The following COL14A1 variants were observed in gnomAD, a reference collection of about 807,000 sequenced individuals.
COL14A1 encodes collagen type XIV alpha 1 chain, also known as collagen alpha-1(XIV) chain.
Under a neutral mutation model 230.3 loss-of-function variants are expected in COL14A1, and 136 were observed. The observed-to-expected ratio is 0.59, with a 90% CI of 0.51 to 0.68. The LOEUF (loss-of-function observed/expected upper bound fraction) is 0.68, where lower values mean the gene tolerates loss of function less well. COL14A1 is among the 30% of genes least tolerant of loss of function. The pLI, the probability that COL14A1 is intolerant of heterozygous loss-of-function variation, is 0.00. For synonymous variants in COL14A1, 792 were observed against 784.1 expected, an observed-to-expected ratio of 1.01 and a Z score of -0.17; for missense variants, 1,976 against 2,215.8, an observed-to-expected ratio of 0.89 and a Z score of 2.17.
intron 40 of COL14A1, among the ~76,000 whole-genome samples, chr8:120,326,789 G>A (rs1194431913): frequency 6.6e-6 from 1 of 152,194 alleles, no homozygotes; most frequent in African/African-American, 2.4e-5. Context: ...ACTTTGGGAG[G>A]CTGAGGCAGG....
chr8:120,185,006 G>A (rs552683795), intron 5 of COL14A1, among the ~76,000 whole-genome samples: 3 of 152,210 alleles, frequency 2.0e-5, no homozygotes, highest in South Asian at 2.1e-4. Context: ...TTAACCACAC[G>A]CTGTATAATA....
At chr8:120,320,552 G>A (rs6469916) in intron 40 of COL14A1, among the ~76,000 whole-genome samples, 140,203 of 152,236 alleles carry the variant, frequency 0.92, 64,687 homozygotes, top group East Asian at 0.99. Context: ...AACTATCTGG[G>A]TTTAATTTTT....
chr8:120,130,934 T>A (rs1054098193), intron 1 of COL14A1, among the ~76,000 whole-genome samples: 1 of 152,160 alleles, frequency 6.6e-6, no homozygotes, highest in Non-Finnish European at 1.5e-5. Context: ...CCATGTGTAC[T>A]GTTTAGCTCC....
chr8:120,203,670 C>T (rs1487068031), intron 8 of COL14A1, 39 bp from the exon 9 acceptor site: 5 of 1,605,998 alleles, frequency 3.1e-6, no homozygotes, highest in Non-Finnish European at 3.4e-6. Flanking sequence ...TCCAAGGGGG[C>T]ATAAAAGTCA....
intron 42 of COL14A1, 142 bp from the exon 43 acceptor site, chr8:120,341,183 T>G: frequency 1.3e-6 from 1 of 785,334 alleles, no homozygotes; most frequent in Non-Finnish European, 2.2e-6. Context: ...TGCTGTTTAT[T>G]TTCTGTTGTT....
chr8:120,159,993 G>T (rs779890188), intron 3 of COL14A1, among the ~76,000 whole-genome samples: 55 of 152,184 alleles, frequency 3.6e-4, no homozygotes, highest in South Asian at 1.0e-3. Context: ...CGCCCAGCCT[G>T]ATATATCTTT....
At chr8:120,279,492 G>A (rs1055597007) in intron 28 of COL14A1, among the ~76,000 whole-genome samples, 1 of 150,850 alleles carries the variant, frequency 6.6e-6, no homozygotes, top group Non-Finnish European at 1.5e-5. Context: ...TACTTGCCAA[G>A]CATTGAATGG....
chr8:120,292,069 T>C (rs1073523), intron 34 of COL14A1, among the ~76,000 whole-genome samples: 73,314 of 151,856 alleles, frequency 0.48, 18,042 homozygotes, highest in African/African-American at 0.58. Context: ...ATGTTGACAA[T>C]AGTCCCATAA....
At position 120,281,092 on chromosome 8, in the gene COL14A1, G is replaced by A. The variant is rs1563388; in HGVS notation, c.3824+33G>A. On this transcript the variant is annotated intron_variant, in intron 31 of 47. Coordinates refer to ENST00000297848, the MANE Select transcript of COL14A1 (RefSeq NM_021110.4). ...TCTGTTGAAAGATTTTAAAGTCATC[G>A]TATGTTTATTATATCTCACTGTGAA... The A allele has an allele frequency of 0.6, 934,911 of 1,563,092 alleles. 283,137 individuals are homozygous for A. Among genetic ancestry groups the A allele is most frequent in the African/African-American group, 0.84 (61,720 of 73,208 alleles).
At chr8:120,309,684 CAT>C (rs1280313859) in intron 36 of COL14A1, among the ~76,000 whole-genome samples, 10 of 152,202 alleles carry the variant, frequency 6.6e-5, no homozygotes, top group Middle Eastern at 6.8e-3. Context: ...TGTTTTATAA[CAT>C]ATATAATTTT....
intron 3 of COL14A1, among the ~76,000 whole-genome samples, chr8:120,158,794 A>G (rs1442745687): frequency 6.6e-6 from 1 of 152,206 alleles, no homozygotes. Context: ...TTATTTAAAG[A>G]AGCTTTAAAT....
chr8:120,318,615 A>T (rs1821321970), intron 40 of COL14A1, among the ~76,000 whole-genome samples: 1 of 152,170 alleles, frequency 6.6e-6, no homozygotes, highest in Admixed American at 6.5e-5. Flanking sequence ...GACATGCTGC[A>T]TTGGAGGGCC....
chr8:120,203,755 A>G lies in COL14A1; in HGVS notation c.924A>G (p.Glu308=). Residue 308 remains glutamate, a synonymous_variant, in exon 9 of 48, where the codon GAA becomes GAG. Coordinates refer to ENST00000297848, the MANE Select transcript of COL14A1 (RefSeq NM_021110.4). The stretch of plus-strand genomic sequence containing the variant: ...ATGAGCTGCAGGAGATCGCCTCTGA[A>G]CCAGACAGCACTCATGTGTACAATG... The part of the protein sequence containing the change: ...DVNELQEIAS[E]PDSTHVYNVA... The G allele has an allele frequency of 1.2e-6, 2 of 1,613,886 alleles. No individual in the cohort carries two copies.
intron 34 of COL14A1, among the ~76,000 whole-genome samples, chr8:120,291,902 C>G (rs1461301031): frequency 6.6e-6 from 1 of 152,080 alleles, no homozygotes; most frequent in Non-Finnish European, 1.5e-5. Context: ...GCGTCATTGT[C>G]TTTGTTTAAA....
chr8:120,278,977 A>G (rs989452751), intron 28 of COL14A1, among the ~76,000 whole-genome samples: 1 of 152,132 alleles, frequency 6.6e-6, no homozygotes, highest in African/African-American at 2.4e-5. Flanking sequence ...GCCATAAAAA[A>G]GAATGAGTTC....
At chr8:120,190,873 G>A (rs1348636713) in intron 5 of COL14A1, among the ~76,000 whole-genome samples, 7 of 151,970 alleles carry the variant, frequency 4.6e-5, no homozygotes, top group Non-Finnish European at 1.0e-4. Flanking sequence ...TTGTATTTCT[G>A]TGGGATCGGT....
chr8:120,230,082 A>G (rs1349261612), intron 18 of COL14A1, among the ~76,000 whole-genome samples: 1 of 152,066 alleles, frequency 6.6e-6, no homozygotes, highest in African/African-American at 2.4e-5. Flanking sequence ...AGGTCTTTCC[A>G]TATTACCCAG....
intron 2 of COL14A1, among the ~76,000 whole-genome samples, chr8:120,153,950 G>A (rs1050565391): frequency 1.4e-4 from 22 of 152,094 alleles, no homozygotes; most frequent in African/African-American, 2.4e-5. Flanking sequence ...GGGTTTAAGT[G>A]ATTTTCCCAG....
At chr8:120,263,938 C>T (rs113612769) in intron 24 of COL14A1, among the ~76,000 whole-genome samples, 2,976 of 152,114 alleles carry the variant, frequency 0.02, 95 homozygotes, top group African/African-American at 0.067. Context: ...CTTAAATATG[C>T]AGTATTTCAT....
Sources: allele counts gnomAD v4.1 joint callset (sites outside exome capture counted in the v4.1 genomes callset), GRCh38; gene constraint gnomAD v4.1.1; transcripts MANE v1.5; gene names NCBI Gene and HGNC (gene_info 2026-07-23, HGNC 2026-07-21).